PRICKLE1: variants seen among roughly 807,000 people sequenced by gnomAD.
The protein encoded by PRICKLE1 is prickle-like protein 1.
PRICKLE1 carries 14 observed loss-of-function variants against 70.2 expected under a neutral mutation model. The ratio of observed to expected loss-of-function variants is 0.20; its 90% CI spans 0.13 to 0.31. The LOEUF (loss-of-function observed/expected upper bound fraction) is 0.31, where lower values mean the gene tolerates loss of function less well. Among genes scored for constraint, PRICKLE1 ranks in the 10% least tolerant of loss-of-function variants. The probability of loss-of-function intolerance (pLI) is 1.00; values close to 1 mark genes in which losing one functional copy is unlikely to be tolerated. For synonymous variants in PRICKLE1, 357 were observed against 379.9 expected, an observed-to-expected ratio of 0.94 and a Z score of 0.70; for missense variants, 821 against 1,026.2, an observed-to-expected ratio of 0.80 and a Z score of 2.73.
At chr12:42,512,337 A>T (rs1593147420) in intron 1 of PRICKLE1, among the ~76,000 whole-genome samples, 1 of 151,460 alleles carries the variant, frequency 6.6e-6, no homozygotes, top group Non-Finnish European at 1.5e-5. Context: ...TGCCCAGCTA[A>T]TTTTTTTTGT....
chr12:42,469,228 T>C (rs780110787), intron 4 of PRICKLE1, among the ~76,000 whole-genome samples: 7 of 152,188 alleles, frequency 4.6e-5, no homozygotes, highest in African/African-American at 7.2e-5. Flanking sequence ...TTTCACCCAA[T>C]GTTTGCATAA....
At chr12:42,567,801 A>C (rs1940646509) in intron 1 of PRICKLE1, among the ~76,000 whole-genome samples, 1 of 150,862 alleles carries the variant, frequency 6.6e-6, no homozygotes, top group Non-Finnish European at 1.5e-5. Context: ...CATCTCAAAA[A>C]AAAAAAAAAA....
At chr12:42,487,131 AATG>A (rs1163121164) in intron 1 of PRICKLE1, among the ~76,000 whole-genome samples, 4 of 152,230 alleles carry the variant, frequency 2.6e-5, no homozygotes, top group African/African-American at 9.6e-5. Flanking sequence ...GAATCACTGT[AATG>A]ATATTTTGTT....
In PRICKLE1 at chr12:42,499,240, G is replaced by A. The variant is rs189131432; in HGVS notation, c.-48-26676C>T. On this transcript the variant is annotated intron_variant, in intron 1 of 7. Coordinates refer to ENST00000345127, the MANE Select transcript of PRICKLE1 (RefSeq NM_153026.3). ...ACAAAGGAGAAAAGTAAGATAAATT[G>A]TATAAAGTTATCAGGTAATTTGGGA... Among the ~76,000 whole-genome samples the A allele has an allele frequency of 5.5e-4, 83 of 152,224 alleles. 1 individual carries two copies. The highest frequency in any genetic ancestry group is 6.8e-3 in the Middle Eastern group (2 of 292).
At chr12:42,484,479 G>A (rs538273007) in intron 1 of PRICKLE1, 10 of 152,324 alleles carry the variant, frequency 6.6e-5, no homozygotes, top group African/African-American at 2.4e-4. Context: ...ATTTAAGCAA[G>A]TTCTCACTTA....
At chr12:42,514,934 T>TATCTATC (rs1566109445) in intron 1 of PRICKLE1, among the ~76,000 whole-genome samples, 7 of 144,998 alleles carry the variant, frequency 4.8e-5, no homozygotes, top group African/African-American at 7.3e-5. Flanking sequence ...TCTATCTATC[T>TATCTATC]ATCTATATTT....
At chr12:42,460,924 C>T (rs1273856842) in intron 7 of PRICKLE1, among the ~76,000 whole-genome samples, 10 of 152,048 alleles carry the variant, frequency 6.6e-5, no homozygotes, top group East Asian at 5.8e-4. Context: ...TCTAGTTGCC[C>T]GGGCTGGAGT....
At chr12:42,580,628 T>A (rs1940882048) in intron 1 of PRICKLE1, among the ~76,000 whole-genome samples, 1 of 152,188 alleles carries the variant, frequency 6.6e-6, no homozygotes, top group African/African-American at 2.4e-5. Context: ...GTATATATAT[T>A]TTTAAGTTTC....
intron 1 of PRICKLE1, among the ~76,000 whole-genome samples, chr12:42,554,022 T>A (rs962598737): frequency 6.6e-5 from 10 of 152,178 alleles, no homozygotes; most frequent in African/African-American, 2.4e-4. Context: ...GAGAATTGCT[T>A]GAACCCGGGA....
chr12:42,496,088 C>T (rs909511152), intron 1 of PRICKLE1, among the ~76,000 whole-genome samples: 4 of 152,164 alleles, frequency 2.6e-5, no homozygotes, highest in Non-Finnish European at 5.9e-5. Flanking sequence ...GCAGTTATAG[C>T]CTTAAGAAAT....
chr12:42,478,161 A>G (rs1196074118), intron 1 of PRICKLE1, among the ~76,000 whole-genome samples: 2 of 152,152 alleles, frequency 1.3e-5, no homozygotes, highest in East Asian at 3.9e-4. Flanking sequence ...GATCCATTTG[A>G]GAGTGTATTT....
chr12:42,583,540 A>G (rs940214226), intron 1 of PRICKLE1, among the ~76,000 whole-genome samples: 31 of 152,318 alleles, frequency 2.0e-4, no homozygotes, highest in African/African-American at 6.7e-4. Flanking sequence ...GGCCTCCAAT[A>G]GCATTAGTTA....
chr12:42,466,926 G>A (rs956036378), intron 5 of PRICKLE1, among the ~76,000 whole-genome samples: 14 of 152,102 alleles, frequency 9.2e-5, no homozygotes, highest in Admixed American at 2.0e-4. Context: ...GCCCAGGCTG[G>A]AGCACAGTGG....
intron 1 of PRICKLE1, among the ~76,000 whole-genome samples, chr12:42,474,681 A>G (rs915936576): frequency 3.3e-5 from 5 of 152,238 alleles, no homozygotes; most frequent in Admixed American, 3.3e-4. Context: ...CCACTCCCAC[A>G]TGTCAAAGGA....
intron 1 of PRICKLE1, among the ~76,000 whole-genome samples, chr12:42,519,622 G>A (rs1267496232): frequency 6.6e-6 from 1 of 152,178 alleles, no homozygotes; most frequent in African/African-American, 2.4e-5. Flanking sequence ...ATTAATAAAT[G>A]GTTAGTAAAA....
chr12:42,467,952 G>C (rs1057365427), intron 5 of PRICKLE1, among the ~76,000 whole-genome samples: 2 of 152,120 alleles, frequency 1.3e-5, no homozygotes, highest in Non-Finnish European at 2.9e-5. Context: ...TTAAAACACT[G>C]GGAAAATCTA....
At chr12:42,510,931 C>G (rs1241854011) in intron 1 of PRICKLE1, among the ~76,000 whole-genome samples, 1 of 152,174 alleles carries the variant, frequency 6.6e-6, no homozygotes, top group African/African-American at 2.4e-5. Flanking sequence ...CACCAGGGTC[C>G]CAAGTCTTAT....
intron 1 of PRICKLE1, among the ~76,000 whole-genome samples, chr12:42,515,496 T>C (rs1001980734): frequency 1.3e-5 from 2 of 152,146 alleles, no homozygotes; most frequent in African/African-American, 4.8e-5. Context: ...TCTCCCAAAG[T>C]GCTGGGGATT....
rs535128893 is a variant in PRICKLE1, at chr12:42,463,427, A to AT, written c.1639+967_1639+968insA. Among the ~76,000 whole-genome samples the AT allele has an allele frequency of 1.7e-3, 257 of 151,942 alleles. 1 individual carries two copies. The highest frequency in any genetic ancestry group is 5.8e-3 in the African/African-American group (242 of 41,426). ...ATTCAGGAAGATGTTTAAAAAAAAAAATGAGCTTGTGGCCAGGCGTGGTGG... is the reference window on the plus strand; with the variant it reads ...ATTCAGGAAGATGTTTAAAAAAAAAATATGAGCTTGTGGCCAGGCGTGGTGG... On this transcript the variant is annotated intron_variant, in intron 7 of 7. Transcript: ENST00000345127.
Sources: allele counts gnomAD v4.1 joint callset (sites outside exome capture counted in the v4.1 genomes callset), GRCh38; gene constraint gnomAD v4.1.1; transcripts MANE v1.5; gene names NCBI Gene and HGNC (gene_info 2026-07-23, HGNC 2026-07-21).